The following NCOA4 variants were observed in gnomAD, a reference collection of about 807,000 sequenced individuals.
NCOA4 encodes nuclear receptor coactivator 4, also known as 70 kDa AR-activator.
Under a neutral mutation model 69.5 loss-of-function variants are expected in NCOA4, and 31 were observed. The observed-to-expected ratio is 0.45, with a 90% CI of 0.34 to 0.60. NCOA4 has a LOEUF of 0.60. Ranked by LOEUF, NCOA4 falls within the 20% of genes least tolerant of loss-of-function variation. The pLI is 0.02. For missense variants in NCOA4, 600 were observed against 719.2 expected (o/e 0.83, Z 1.90); for synonymous variants, 228 against 252.4 (o/e 0.90, Z 0.92).
At position 46,010,721 on chromosome 10, in the gene NCOA4, T is replaced by C. The variant is rs187343606; in HGVS notation, c.1200A>G (p.Val400=). The C allele has an allele frequency of 4.4e-4, 711 of 1,613,954 alleles. 7 individuals carry two copies. In the East Asian group the frequency reaches 0.016, roughly 36 times the overall value. ...GCTCATTGGCTCTGCACACCTCCTCTACCTTACATGGGTCCTGATGGTTCT... is the reference window on the plus strand; with the variant it reads ...GCTCATTGGCTCTGCACACCTCCTCCACCTTACATGGGTCCTGATGGTTCT... ...LVQNHQDPCK[V]EEVCRANEPC... is the part of the protein sequence containing the mutation. Residue 400 remains valine, a synonymous_variant, in exon 8 of 10, where the codon GTA becomes GTG. Transcript: ENST00000581486.
chr10:46,019,171 G>A (rs1839728090), intron 1 of NCOA4, among the ~76,000 whole-genome samples: 1 of 152,084 alleles, frequency 6.6e-6, no homozygotes, highest in African/African-American at 2.4e-5. Context: ...GCCTTAATTG[G>A]ATTTCACAGA....
rs368035390 is a variant in NCOA4 at position 46,014,837 on chromosome 10, G to A, written c.371+17C>T. On this transcript the variant is annotated intron_variant, in intron 4 of 9. Transcript: ENST00000581486. ...GTTCAAGAGTCAAAAGTTAAAATAC[G>A]CAAAAAGGGTCATTACCTCTCCAGG... The A allele has an allele frequency of 2.9e-4, 461 of 1,598,506 alleles. 5 individuals carry two copies. The highest frequency in any genetic ancestry group is 6.5e-5 in the Non-Finnish European group (76 of 1,170,482).
Position 46,010,965 on chromosome 10 carries a change from T to C in NCOA4, c.956A>G (p.Asn319Ser), listed in dbSNP as rs1554921320. The change falls in exon 8 of 10, where the codon AAT becomes AGT. Residue 319 changes from asparagine (N) to serine (S), a missense_variant. Asn to Ser is a conservative substitution (Grantham distance 46). Transcript: ENST00000581486. ...CTTCTCACTGGTTTCACGACTGCCATTCTCAGGCTTCCGCAGCTTATGGGA... is the reference window on the plus strand; with the variant it reads ...CTTCTCACTGGTTTCACGACTGCCACTCTCAGGCTTCCGCAGCTTATGGGA... Reference protein sequence around the residue: ...QESHKLRKPENGSRETSEKFK... With the variant: ...QESHKLRKPESGSRETSEKFK... 1 of 1,613,984 alleles carries C rather than the reference T, an allele frequency of 6.2e-7. No individual in the cohort carries two copies.
chr10:46,019,547 T>C (rs1554923943), intron 1 of NCOA4: 2 of 984,354 alleles, frequency 2.0e-6, no homozygotes, highest in Non-Finnish European at 2.4e-6. Context: ...TAAAATTAAA[T>C]TGTTGCTTCA....
intron 9 of NCOA4, among the ~76,000 whole-genome samples, chr10:46,007,579 C>CCCTTTTT (rs1838911042): frequency 8.0e-6 from 1 of 125,674 alleles, no homozygotes. Flanking sequence ...CAGCCAGTGA[C>CCCTTTTT]TCTTTTTTTT....
intron 1 of NCOA4, chr10:46,027,515 G>A (rs1347593149): frequency 2.0e-6 from 3 of 1,535,758 alleles, no homozygotes; most frequent in Non-Finnish European, 1.8e-6. Context: ...TTGAAGCAAT[G>A]TGTCCAGACA....
At chr10:46,009,732 G>A (rs782028346) in intron 8 of NCOA4, among the ~76,000 whole-genome samples, 181 bp from the exon 9 acceptor site, 42 of 152,270 alleles carry the variant, frequency 2.8e-4, no homozygotes, top group Non-Finnish European at 4.7e-4. Context: ...CAATAAAACA[G>A]GCTAGATTCT....
intron 9 of NCOA4, among the ~76,000 whole-genome samples, chr10:46,007,243 G>A (rs782551250): frequency 1.2e-4 from 18 of 152,306 alleles, no homozygotes; most frequent in South Asian, 6.2e-4. Flanking sequence ...AGGCCAAAGC[G>A]TAACCCCAGA....
At chr10:46,007,289 G>A (rs1384842443) in intron 9 of NCOA4, among the ~76,000 whole-genome samples, 2 of 152,182 alleles carry the variant, frequency 1.3e-5, no homozygotes, top group Non-Finnish European at 2.9e-5. Flanking sequence ...TATGAAGGCT[G>A]AGAGAGGTCA....
At chr10:46,022,620 A>T (rs1258436790) in intron 1 of NCOA4, 1 of 325,772 alleles carries the variant, frequency 3.1e-6, no homozygotes, top group East Asian at 8.7e-5. Context: ...GCCCGCCGCC[A>T]CGCCCGGCTA....
intron 1 of NCOA4, among the ~76,000 whole-genome samples, chr10:46,022,773 G>GT (rs1839962487): frequency 6.6e-6 from 1 of 152,032 alleles, no homozygotes; most frequent in Non-Finnish European, 1.5e-5. Context: ...CCTAAAGGTT[G>GT]TTTTTTATAC....
chr10:46,018,059 T>G (rs1480537855), intron 1 of NCOA4, among the ~76,000 whole-genome samples: 2 of 152,226 alleles, frequency 1.3e-5, no homozygotes, highest in Non-Finnish European at 2.9e-5. Context: ...AAAGTGAATA[T>G]TAGCTAAAGA....
At chr10:46,012,498 T>C (rs1007990586) in intron 7 of NCOA4, among the ~76,000 whole-genome samples, 23 of 151,914 alleles carry the variant, frequency 1.5e-4, no homozygotes, top group Non-Finnish European at 3.1e-4. Flanking sequence ...CAGAAGAAAT[T>C]AAATGACAGA....
intron 5 of NCOA4, among the ~76,000 whole-genome samples, chr10:46,014,140 C>T (rs929106069): frequency 2.0e-5 from 3 of 152,072 alleles, no homozygotes; most frequent in African/African-American, 7.2e-5. Context: ...GATCCTCCTG[C>T]CTCAGCCTTC....
chr10:46,011,023 C>A lies in NCOA4; in HGVS notation c.898G>T (p.Asp300Tyr). 1 of 1,613,948 alleles carries A rather than the reference C, an allele frequency of 6.2e-7. No homozygotes were observed. The highest frequency in any genetic ancestry group is 8.5e-7 in the Non-Finnish European group (1 of 1,179,862). The change falls in exon 8 of 10, where the codon GAC becomes TAC. Residue 300 changes from aspartate to tyrosine, a missense_variant. Transcript: ENST00000581486. Reference sequence around the variant, plus strand: ...GGAGTCACTAGCCAATCTGATAGGTCCATCTCATCTTGATCAGGAAGCTCT... The same window carrying A: ...GGAGTCACTAGCCAATCTGATAGGTACATCTCATCTTGATCAGGAAGCTCT... ...DQELPDQDEM[D>Y]LSDWLVTPQE...
chr10:46,010,302 AC>A lies in NCOA4; in HGVS notation c.1618del (p.Val540SerfsTer82). On this transcript the variant is annotated frameshift_variant, in exon 8 of 10. Coordinates refer to ENST00000581486, the MANE Select transcript of NCOA4 (RefSeq NM_001145263.2). LOFTEE classifies it high-confidence loss of function. The stretch of plus-strand genomic sequence containing the variant: ...GTTGCCCATCTTCTTTCCTGGCAGG[AC>A]CCAGTCAGCTGTGTTAAAGGAACAC... ...SWCSFNTADW[V>X]LPGKKMGNLS... The A allele has an allele frequency of 1.2e-6, 2 of 1,614,082 alleles. No homozygotes were observed. Among genetic ancestry groups the A allele is most frequent in the Non-Finnish European group, 1.7e-6 (2 of 1,180,018 alleles).
At chr10:46,012,148 C>A (rs1161227717) in intron 7 of NCOA4, among the ~76,000 whole-genome samples, 4 of 51,692 alleles carry the variant, frequency 7.7e-5, no homozygotes, top group Non-Finnish European at 9.0e-5. Flanking sequence ...GAAGAAAAAA[C>A]AAAAGCAAAA....
intron 1 of NCOA4, among the ~76,000 whole-genome samples, chr10:46,017,249 C>CA (rs1325857821): frequency 5.3e-5 from 8 of 152,002 alleles, no homozygotes; most frequent in African/African-American, 1.9e-4. Flanking sequence ...AGGAAGTTCT[C>CA]AAAAATATAA....
intron 1 of NCOA4, chr10:46,019,262 C>T: frequency 1.1e-6 from 1 of 933,996 alleles, no homozygotes; most frequent in Non-Finnish European, 1.3e-6. Context: ...CATAAGCTGC[C>T]TGTGTTAGGC....
Sources: allele counts gnomAD v4.1 joint callset (sites outside exome capture counted in the v4.1 genomes callset), GRCh38; gene constraint gnomAD v4.1.1; transcripts MANE v1.5; gene names NCBI Gene and HGNC (gene_info 2026-07-23, HGNC 2026-07-21).